The following HTR4 variants were observed in gnomAD, a reference collection of about 807,000 sequenced individuals.
The protein encoded by HTR4 is 5-hydroxytryptamine receptor 4, also known as 5-hydroxytryptamine (serotonin) receptor 4, G protein-coupled.
Under a neutral mutation model 36.8 loss-of-function variants are expected in HTR4, and 16 were observed. The observed-to-expected ratio is 0.43, with a 90% CI of 0.29 to 0.66. HTR4 has a LOEUF of 0.66. HTR4 is among the 30% of genes least tolerant of loss of function. HTR4 has a pLI of 0.13. For missense variants in HTR4, 438 were observed against 490.9 expected, an observed-to-expected ratio of 0.89 and a Z score of 1.02; for synonymous variants, 189 against 185.1, an observed-to-expected ratio of 1.02 and a Z score of -0.17.
intron 1 of HTR4, among the ~76,000 whole-genome samples, chr5:148,652,393 A>G (rs56333659): frequency 0.19 from 29,457 of 151,986 alleles, 3,410 homozygotes; most frequent in East Asian, 0.4. Context: ...AAAATCAGGA[A>G]GCGTCTTGGG....
intron 2 of HTR4, among the ~76,000 whole-genome samples, chr5:148,595,406 C>T (rs1026381066): frequency 6.6e-6 from 1 of 152,090 alleles, no homozygotes; most frequent in Non-Finnish European, 1.5e-5. Flanking sequence ...TCCACTGCCT[C>T]CCAAAAATTA....
At chr5:148,581,221 G>T (rs1009812503) in intron 2 of HTR4, among the ~76,000 whole-genome samples, 10 of 151,826 alleles carry the variant, frequency 6.6e-5, no homozygotes, top group African/African-American at 2.4e-4. Flanking sequence ...TGAGTTGTAG[G>T]AGTTCTTTAT....
intron 3 of HTR4, 142 bp downstream of exon 3, chr5:148,549,995 C>A (rs1052578743): frequency 1.3e-6 from 1 of 792,026 alleles, no homozygotes. Context: ...ATCCCTTTTT[C>A]TCCCCTTTTA....
At chr5:148,557,390 A>G (rs1474452904) in intron 2 of HTR4, among the ~76,000 whole-genome samples, 1 of 152,212 alleles carries the variant, frequency 6.6e-6, no homozygotes, top group African/African-American at 2.4e-5. Flanking sequence ...ATCTGAATAA[A>G]TGTTGGTACA....
chr5:148,653,528 C>G (rs1459539679), intron 1 of HTR4, among the ~76,000 whole-genome samples: 1 of 152,080 alleles, frequency 6.6e-6, no homozygotes, highest in Non-Finnish European at 1.5e-5. Flanking sequence ...TGCAGCACAT[C>G]GTACCCACAC....
chr5:148,552,396 A>C (rs755372748), intron 2 of HTR4, among the ~76,000 whole-genome samples: 2 of 152,218 alleles, frequency 1.3e-5, no homozygotes, highest in Non-Finnish European at 2.9e-5. Context: ...AAAAGACCTT[A>C]ATAGGCTGAT....
intron 2 of HTR4, among the ~76,000 whole-genome samples, chr5:148,579,124 T>C (rs559741684): frequency 6.6e-6 from 1 of 152,120 alleles, no homozygotes; most frequent in Admixed American, 6.6e-5. Flanking sequence ...CCAATTTAAT[T>C]TGGCAATTAA....
At position 148,481,619 on chromosome 5, in the gene HTR4, C is replaced by T. The variant is rs1177462140; in HGVS notation, c.*1584G>A. The T allele has an allele frequency of 2.7e-6, 4 of 1,502,936 alleles. No homozygotes were observed. The Admixed American group carries it at 7.0e-5, about 26-fold the overall frequency. 93.1% of individuals were successfully genotyped at this position (1,502,936 alleles called of 1,614,324 possible). On this transcript the variant is annotated 3_prime_UTR_variant, in exon 7 of 7. Coordinates refer to ENST00000377888, the MANE Select transcript of HTR4 (RefSeq NM_000870.7). ...TTCCAAAGTTTCTTCCTGTCGGTTT[C>T]AGTTCCAGAACTAAAGTAAACAACA...
intron 5 of HTR4, among the ~76,000 whole-genome samples, chr5:148,457,015 C>A (rs1377659969): frequency 6.6e-6 from 1 of 152,170 alleles, no homozygotes; most frequent in Admixed American, 6.5e-5. Flanking sequence ...GAAACCTTAA[C>A]CCTGTGATCA....
intron 4 of HTR4, among the ~76,000 whole-genome samples, chr5:148,539,256 C>T (rs1377596379): frequency 1.3e-5 from 2 of 152,014 alleles, no homozygotes; most frequent in Non-Finnish European, 2.9e-5. Flanking sequence ...ATGTAAAACC[C>T]AAAACTATAA....
intron 2 of HTR4, among the ~76,000 whole-genome samples, chr5:148,636,599 A>G (rs1209888936): frequency 2.0e-5 from 3 of 152,224 alleles, no homozygotes; most frequent in Non-Finnish European, 4.4e-5. Flanking sequence ...TGAGAAAAGA[A>G]GTGGACAAAC....
At chr5:148,564,469 G>C (rs1305875740) in intron 2 of HTR4, among the ~76,000 whole-genome samples, 1 of 152,154 alleles carries the variant, frequency 6.6e-6, no homozygotes, top group Non-Finnish European at 1.5e-5. Context: ...GGTATCAACA[G>C]TGCCTAGTAT....
At chr5:148,508,820 T>C (rs1757349473) in intron 6 of HTR4, among the ~76,000 whole-genome samples, 1 of 152,148 alleles carries the variant, frequency 6.6e-6, no homozygotes, top group Non-Finnish European at 1.5e-5. Context: ...ATAAAACTTC[T>C]AGTACCATTG....
At chr5:148,577,999 T>A (rs750869230) in intron 2 of HTR4, among the ~76,000 whole-genome samples, 13 of 151,810 alleles carry the variant, frequency 8.6e-5, no homozygotes, top group Non-Finnish European at 1.6e-4. Context: ...ATACGTAAAA[T>A]AAAAAGGCAA....
chr5:148,605,747 TAA>T (rs879413660), intron 2 of HTR4, among the ~76,000 whole-genome samples: 48 of 144,538 alleles, frequency 3.3e-4, no homozygotes, highest in African/African-American at 1.1e-3. Flanking sequence ...TTCTGTGATT[TAA>T]AAAAAAAAAA....
At chr5:148,572,080 ATGG>A (rs1362482600) in intron 2 of HTR4, among the ~76,000 whole-genome samples, 1 of 152,136 alleles carries the variant, frequency 6.6e-6, no homozygotes, top group African/African-American at 2.4e-5. Flanking sequence ...TTGAAAATAA[ATGG>A]TGGGCTCTAA....
chr5:148,548,923 G>A, intron 3 of HTR4, 55 bp from the exon 4 acceptor site: 2 of 1,264,118 alleles, frequency 1.6e-6, no homozygotes, highest in African/African-American at 1.5e-5. Flanking sequence ...AGGGAAAAAG[G>A]GGAGGGAGAA....
chr5:148,523,034 G>T (rs1215099266), intron 5 of HTR4, among the ~76,000 whole-genome samples, 159 bp downstream of exon 5: 1 of 152,016 alleles, frequency 6.6e-6, no homozygotes, highest in African/African-American at 2.4e-5. Flanking sequence ...GAGGAGTTTT[G>T]TCAGTAAGCA....
chr5:148,541,099 G>A (rs753909239), intron 4 of HTR4, among the ~76,000 whole-genome samples: 1 of 152,182 alleles, frequency 6.6e-6, no homozygotes, highest in South Asian at 2.1e-4. Flanking sequence ...AGAAGGGAAG[G>A]GATTTTCTAT....
Sources: gnomAD v4.1 joint callset for allele counts (sites outside exome capture counted in the v4.1 genomes callset) on GRCh38, gnomAD v4.1.1 for gene constraint, MANE v1.5 for transcripts, NCBI Gene and HGNC (gene_info 2026-07-23, HGNC 2026-07-21) for gene names.